The following PUM3 variants were observed in gnomAD, a reference collection of about 807,000 sequenced individuals.
PUM3 encodes the protein pumilio homolog 3.
Under a neutral mutation model 84.0 loss-of-function variants are expected in PUM3, and 91 were observed. That is an observed-to-expected ratio of 1.08 (90% CI 0.91 to 1.29). The LOEUF (loss-of-function observed/expected upper bound fraction) is 1.29, where lower values mean the gene tolerates loss of function less well. Among genes scored for constraint, PUM3 ranks in the 50% most tolerant of loss-of-function variants. The pLI is 0.00. For missense variants in PUM3, 1,067 were observed against 767.5 expected, an observed-to-expected ratio of 1.39 and a Z score of -4.61; for synonymous variants, 321 against 266.7, an observed-to-expected ratio of 1.20 and a Z score of -1.98.
intron 3 of PUM3, among the ~76,000 whole-genome samples, chr9:2,834,978 T>A (rs1266052917): frequency 6.9e-6 from 1 of 144,034 alleles, no homozygotes; most frequent in Non-Finnish European, 1.5e-5. Flanking sequence ...CACTTCTAAC[T>A]ATCTCCCTGT....
At chr9:2,832,837 C>A (rs953336147) in intron 5 of PUM3, among the ~76,000 whole-genome samples, 1 of 152,098 alleles carries the variant, frequency 6.6e-6, no homozygotes, top group African/African-American at 2.4e-5. Flanking sequence ...ATGTATTAAT[C>A]CAAATACACA....
intron 13 of PUM3, among the ~76,000 whole-genome samples, chr9:2,816,123 T>C (rs887070705): frequency 6.6e-6 from 1 of 152,070 alleles, no homozygotes; most frequent in Non-Finnish European, 1.5e-5. Context: ...TGCTGAAGAC[T>C]GAGCCTGTGG....
rs374866306 is a variant in PUM3 at position 2,842,887 on chromosome 9, C to T, written c.-11+1158G>A. On this transcript the variant is annotated intron_variant, in intron 1 of 17. Transcript: ENST00000397885. Reference sequence around the variant, plus strand: ...CCTGCCCTATCGTCCTCCATCTCAGCCAATGGCACATCATCTACTTTACTG... The same window carrying T: ...CCTGCCCTATCGTCCTCCATCTCAGTCAATGGCACATCATCTACTTTACTG... Among the ~76,000 whole-genome samples, 22 of 152,294 alleles carry T rather than the reference C, an allele frequency of 1.4e-4. No individual in the cohort carries two copies. The East Asian group carries it at 1.7e-3, about 12-fold the overall frequency.
Position 2,811,254 on chromosome 9 carries a change from A to C in PUM3, c.1635+107T>G, listed in dbSNP as rs1008420959. 4.9e-6 allele frequency: 4 copies of C among 822,828 alleles called. No individual in the cohort carries two copies. The African/African-American group carries it at 6.8e-5, about 14-fold the overall frequency. The allele number at this position is 822,828 out of a possible 1,614,324, so 51.0% of individuals were successfully genotyped here. A position where few individuals can be genotyped will look rare whatever the true frequency, so the allele number is the denominator to read the frequency against. On this transcript the variant is annotated intron_variant, in intron 15 of 17. Transcript: ENST00000397885. The stretch of plus-strand genomic sequence containing the variant: ...GTGAGAGGTTCTTGGTTGTTTATTC[A>C]ACAGGTATCTCCCTCCCCAGCTTTC...
intron 3 of PUM3, among the ~76,000 whole-genome samples, chr9:2,835,226 G>T (rs562330818): frequency 6.6e-6 from 1 of 152,044 alleles, no homozygotes; most frequent in African/African-American, 2.4e-5. Flanking sequence ...CAGCCTGGGC[G>T]AAATAGTGAG....
chr9:2,830,003 C>T, intron 7 of PUM3, 55 bp from the exon 8 acceptor site: 2 of 1,489,584 alleles, frequency 1.3e-6, no homozygotes, highest in South Asian at 2.4e-5. Flanking sequence ...AGCTGGGTGA[C>T]AATAAAACAC....
chr9:2,822,380 T>C (rs1364292406), intron 12 of PUM3, among the ~76,000 whole-genome samples: 1 of 151,950 alleles, frequency 6.6e-6, no homozygotes, highest in Non-Finnish European at 1.5e-5. Flanking sequence ...CAAAAGAATA[T>C]AGAATATATC....
At position 2,833,400 on chromosome 9, in the gene PUM3, A is replaced by G. The variant is rs1206520719; in HGVS notation, c.473T>C (p.Leu158Ser). ...KDCDKEKRVK[L>S]MSDLQKLIQG... ...AATCAACTTCTGCAAATCACTCATT[A>G]ACTTTACTCTTTTTTCTTTGTCACA... The change falls in exon 5 of 18, where the codon TTA becomes TCA. Residue 158 changes from leucine to serine, a missense_variant. Physicochemically the swap from Leu to Ser is moderately radical, Grantham distance 145. Coordinates refer to ENST00000397885, the MANE Select transcript of PUM3 (RefSeq NM_014878.5). The G allele has an allele frequency of 9.4e-6, 15 of 1,591,656 alleles. No homozygotes were observed. The highest frequency in any genetic ancestry group is 1.3e-5 in the Non-Finnish European group (15 of 1,162,004).
intron 14 of PUM3, 100 bp downstream of exon 14, chr9:2,812,119 GT>G: frequency 2.0e-6 from 2 of 980,990 alleles, no homozygotes; most frequent in Non-Finnish European, 3.2e-6. Flanking sequence ...CTTTTCAGCA[GT>G]TTTAGAGAGG....
chr9:2,815,686 A>G (rs1821454680), intron 13 of PUM3, among the ~76,000 whole-genome samples: 2 of 152,228 alleles, frequency 1.3e-5, no homozygotes, highest in Admixed American at 6.5e-5. Context: ...ATACCTTTCA[A>G]TATGTATAGC....
chr9:2,808,003 A>C, intron 16 of PUM3, 99 bp from the exon 17 acceptor site: 1 of 743,786 alleles, frequency 1.3e-6, no homozygotes. Flanking sequence ...TTTTTAAACA[A>C]AAAAGCTAAC....
intron 1 of PUM3, among the ~76,000 whole-genome samples, chr9:2,839,866 C>T (rs1313678902): frequency 1.3e-5 from 2 of 152,134 alleles, no homozygotes; most frequent in Non-Finnish European, 2.9e-5. Context: ...TTTAGCTTTA[C>T]AAAAGAGTTG....
intron 13 of PUM3, among the ~76,000 whole-genome samples, chr9:2,814,725 A>G (rs910916190): frequency 6.6e-6 from 1 of 152,252 alleles, no homozygotes; most frequent in African/African-American, 2.4e-5. Flanking sequence ...AACAAAAACA[A>G]AAACAAAAAC....
chr9:2,834,265 T>G (rs1816062957), intron 3 of PUM3, 99 bp from the exon 4 acceptor site: 1 of 1,012,168 alleles, frequency 9.9e-7, no homozygotes, highest in African/African-American at 1.6e-5. Flanking sequence ...TCAGGATCAA[T>G]GCTCATTCTG....
At chr9:2,837,048 T>C in intron 3 of PUM3, 132 bp downstream of exon 3, 1 of 730,290 alleles carries the variant, frequency 1.4e-6, no homozygotes, top group South Asian at 1.8e-5. Context: ...CTTTGTTGTT[T>C]ATTTAAGCCA....
chr9:2,832,570 C>T (rs566052762), intron 5 of PUM3, among the ~76,000 whole-genome samples: 4 of 152,310 alleles, frequency 2.6e-5, no homozygotes, highest in South Asian at 4.1e-4. Context: ...TCACTTCTAA[C>T]ACCATGGTCA....
At chr9:2,805,541 A>G (rs994148061) in intron 17 of PUM3, among the ~76,000 whole-genome samples, 24 of 152,192 alleles carry the variant, frequency 1.6e-4, no homozygotes, top group Admixed American at 1.4e-3. Flanking sequence ...GCAATATTCT[A>G]CTGCTTATGG....
intron 17 of PUM3, among the ~76,000 whole-genome samples, chr9:2,805,460 A>AT (rs1481579542): frequency 6.6e-6 from 1 of 152,142 alleles, no homozygotes; most frequent in Non-Finnish European, 1.5e-5. Context: ...GGTACTTGGT[A>AT]TTTTCCAAAG....
chr9:2,820,102 C>G lies in PUM3; in HGVS notation c.1189-4G>C, dbSNP rs370610947. The G allele has an allele frequency of 2.1e-5, 33 of 1,594,856 alleles. No individual in the cohort carries two copies. Among genetic ancestry groups the G allele is most frequent in the African/African-American group, 2.1e-4 (15 of 73,124 alleles). Reference sequence around the variant, plus strand: ...AAACCAAATGGGAGTATTGGCCCTGCAAGAATTGGAAGCCAGCAAAGGTTA... The same window carrying G: ...AAACCAAATGGGAGTATTGGCCCTGGAAGAATTGGAAGCCAGCAAAGGTTA... On this transcript the variant is annotated splice_region_variant and splice_polypyrimidine_tract_variant and intron_variant, in intron 12 of 17. Transcript: ENST00000397885.
Sources: allele counts gnomAD v4.1 joint callset (sites outside exome capture counted in the v4.1 genomes callset), GRCh38; gene constraint gnomAD v4.1.1; transcripts MANE v1.5; gene names NCBI Gene and HGNC (gene_info 2026-07-23, HGNC 2026-07-21).